Variants in AUTS2 observed in about 807,000 individuals in gnomAD.
AUTS2 encodes the protein autism susceptibility gene 2 protein.
In AUTS2, 17 loss-of-function variants were observed where a neutral mutation model predicts 112.4. The observed-to-expected ratio is 0.15, with a 90% CI of 0.10 to 0.23. The LOEUF is 0.23. Ranked by LOEUF, AUTS2 falls within the 10% of genes least tolerant of loss-of-function variation. The pLI is 1.00. For synonymous variants in AUTS2, 751 were observed against 702.7 expected (o/e 1.07, Z -1.09); for missense variants, 1,510 against 1,701.6 (o/e 0.89, Z 1.98).
intron 1 of AUTS2, among the ~76,000 whole-genome samples, chr7:69,870,448 A>AATATATATATATATATAT (rs11467258): frequency 0.023 from 1,825 of 78,896 alleles, 116 homozygotes; most frequent in African/African-American, 0.05. Flanking sequence ...ATGTGTGTGT[A>AATATATATATATATATAT]ATATATATAT....
At chr7:69,772,682 C>G (rs1346806169) in intron 1 of AUTS2, among the ~76,000 whole-genome samples, 1 of 152,186 alleles carries the variant, frequency 6.6e-6, no homozygotes, top group Non-Finnish European at 1.5e-5. Flanking sequence ...GATCCTCATG[C>G]CTTGGCCTCC....
Position 70,288,403 on chromosome 7 carries a change from A to G in AUTS2, c.661-147349A>G, listed in dbSNP as rs578020369. Among the ~76,000 whole-genome samples, 5 of 152,290 alleles carry G rather than the reference A, an allele frequency of 3.3e-5. 1 individual carries two copies. The highest frequency in any genetic ancestry group is 1.3e-4 in the Admixed American group (2 of 15,304). ...GGCGACAGAGCAAGACTCCGTCTCA[A>G]AAAACAAAAAAAAAGCTTTGCCAAA... On this transcript the variant is annotated intron_variant, in intron 4 of 18. Transcript: ENST00000342771.
At chr7:69,989,780 CTG>C (rs1428991056) in intron 2 of AUTS2, among the ~76,000 whole-genome samples, 1 of 152,182 alleles carries the variant, frequency 6.6e-6, no homozygotes, top group Non-Finnish European at 1.5e-5. Context: ...CCATTGGGAA[CTG>C]GGCCACAGAG....
chr7:69,736,137 CT>C (rs1016828544), intron 1 of AUTS2, among the ~76,000 whole-genome samples: 25 of 152,092 alleles, frequency 1.6e-4, no homozygotes, highest in Admixed American at 5.9e-4. Context: ...CTTTGTGAAC[CT>C]TTTTTTCTCT....
chr7:70,156,023 C>A (rs867207620), intron 4 of AUTS2, among the ~76,000 whole-genome samples: 1 of 152,136 alleles, frequency 6.6e-6, no homozygotes, highest in Non-Finnish European at 1.5e-5. Context: ...TCTGCTGACA[C>A]GTGGGTAGTG....
chr7:69,760,768 C>T (rs191743053), intron 1 of AUTS2, among the ~76,000 whole-genome samples: 102 of 152,156 alleles, frequency 6.7e-4, no homozygotes, highest in Non-Finnish European at 1.2e-3. Flanking sequence ...TGCAGTGAGC[C>T]GAGATCGTGC....
At chr7:69,735,218 T>C (rs1380062488) in intron 1 of AUTS2, among the ~76,000 whole-genome samples, 2 of 152,150 alleles carry the variant, frequency 1.3e-5, no homozygotes, top group Non-Finnish European at 2.9e-5. Context: ...AGTTTTTGGA[T>C]TGGTAATGGC....
intron 4 of AUTS2, among the ~76,000 whole-genome samples, chr7:70,255,666 T>G (rs1250202216): frequency 6.6e-6 from 1 of 151,450 alleles, no homozygotes; most frequent in Non-Finnish European, 1.5e-5. Flanking sequence ...GAATATGACT[T>G]TTTTTTTTCT....
intron 1 of AUTS2, among the ~76,000 whole-genome samples, chr7:69,694,734 A>G (rs1466666045): frequency 6.6e-6 from 1 of 152,336 alleles, no homozygotes; most frequent in East Asian, 1.9e-4. Flanking sequence ...AGAAGTAATT[A>G]TAGTTGTAAT....
At chr7:70,091,267 G>A (rs925439898) in intron 2 of AUTS2, among the ~76,000 whole-genome samples, 1 of 152,000 alleles carries the variant, frequency 6.6e-6, no homozygotes, top group African/African-American at 2.4e-5. Context: ...CACTAGTATT[G>A]AGCAATTTTT....
chr7:69,777,404 C>T (rs997804151), intron 1 of AUTS2, among the ~76,000 whole-genome samples: 2 of 152,110 alleles, frequency 1.3e-5, no homozygotes, highest in African/African-American at 4.8e-5. Context: ...CTTTATAATT[C>T]AGAGAAAATT....
intron 5 of AUTS2, among the ~76,000 whole-genome samples, chr7:70,445,164 C>G (rs1278400086): frequency 6.6e-6 from 1 of 152,116 alleles, no homozygotes; most frequent in Non-Finnish European, 1.5e-5. Context: ...TCTGTTAGGG[C>G]TTTTCAAGGC....
chr7:69,963,565 C>T (rs1797516958), intron 2 of AUTS2, among the ~76,000 whole-genome samples: 1 of 152,108 alleles, frequency 6.6e-6, no homozygotes, highest in Non-Finnish European at 1.5e-5. Context: ...AGCTACTAAG[C>T]AGAGGTTAGG....
chr7:70,103,140 A>G (rs1327823733), intron 2 of AUTS2, among the ~76,000 whole-genome samples: 1 of 152,222 alleles, frequency 6.6e-6, no homozygotes, highest in Non-Finnish European at 1.5e-5. Context: ...ATCCAAAGGA[A>G]CAAACACACT....
At chr7:70,604,229 G>A (rs949122080) in intron 5 of AUTS2, among the ~76,000 whole-genome samples, 5 of 152,212 alleles carry the variant, frequency 3.3e-5, no homozygotes, top group Non-Finnish European at 7.3e-5. Flanking sequence ...CAGATTAAAA[G>A]CTTTGGTGAC....
intron 2 of AUTS2, among the ~76,000 whole-genome samples, chr7:69,974,614 C>T (rs1034713298): frequency 5.9e-5 from 9 of 151,862 alleles, no homozygotes; most frequent in Non-Finnish European, 1.0e-4. Flanking sequence ...TTTGGATGTC[C>T]CAGCTCAAAC....
intron 4 of AUTS2, among the ~76,000 whole-genome samples, chr7:70,344,556 G>A (rs1791410135): frequency 1.3e-5 from 2 of 152,070 alleles, no homozygotes; most frequent in African/African-American, 4.8e-5. Context: ...TTTACTGAGT[G>A]GTCTTAACAC....
intron 1 of AUTS2, among the ~76,000 whole-genome samples, chr7:69,665,248 T>C (rs747698095): frequency 1.3e-5 from 2 of 152,186 alleles, no homozygotes; most frequent in Admixed American, 1.3e-4. Context: ...CTCTGTGGAT[T>C]TGGGTCATGG....
chr7:70,593,701 T>A (rs1049942735), intron 5 of AUTS2, among the ~76,000 whole-genome samples: 1 of 152,204 alleles, frequency 6.6e-6, no homozygotes, highest in African/African-American at 2.4e-5. Flanking sequence ...CCCACAACAA[T>A]CAGGAAAGCG....
Sources: gnomAD v4.1 joint callset for allele counts (sites outside exome capture counted in the v4.1 genomes callset) on GRCh38, gnomAD v4.1.1 for gene constraint, MANE v1.5 for transcripts, NCBI Gene and HGNC (gene_info 2026-07-23, HGNC 2026-07-21) for gene names.